The following TEC variants were observed in gnomAD, a reference collection of about 807,000 sequenced individuals.
The protein encoded by TEC is tyrosine-protein kinase Tec.
A neutral mutation model predicts 93.0 loss-of-function variants in TEC; 72 were observed. The ratio of observed to expected loss-of-function variants is 0.77; its 90% CI spans 0.64 to 0.94. TEC has a LOEUF of 0.94. Among genes scored for constraint, TEC ranks in the 40% least tolerant of loss-of-function variants. The probability of loss-of-function intolerance (pLI) is 0.00; values close to 1 mark genes in which losing one functional copy is unlikely to be tolerated. For synonymous variants in TEC, 249 were observed against 247.7 expected (o/e 1.01, Z -0.05); for missense variants, 630 against 757.9 (o/e 0.83, Z 1.98).
At chr4:48,203,188 AC>A (rs1560406920) in intron 2 of TEC, among the ~76,000 whole-genome samples, 1 of 152,104 alleles carries the variant, frequency 6.6e-6, no homozygotes, top group Non-Finnish European at 1.5e-5. Context: ...ACACAGTGAA[AC>A]CCTGTCTTTA....
At chr4:48,152,310 C>T (rs541321466) in intron 9 of TEC, among the ~76,000 whole-genome samples, 58 of 151,942 alleles carry the variant, frequency 3.8e-4, no homozygotes, top group African/African-American at 1.2e-3. Context: ...TGGTGGTGCG[C>T]GCCTGTAATC....
chr4:48,166,406 G>A (rs1327175234), intron 7 of TEC, among the ~76,000 whole-genome samples: 1 of 152,066 alleles, frequency 6.6e-6, no homozygotes, highest in Admixed American at 6.6e-5. Flanking sequence ...TATGTTATGT[G>A]GATTCTCATT....
At chr4:48,237,685 A>G (rs912278870) in intron 1 of TEC, among the ~76,000 whole-genome samples, 2 of 152,080 alleles carry the variant, frequency 1.3e-5, no homozygotes, top group African/African-American at 4.8e-5. Flanking sequence ...TACCTACAGA[A>G]TTAGCAATAT....
intron 1 of TEC, among the ~76,000 whole-genome samples, chr4:48,261,305 T>A (rs1227678730): frequency 6.6e-6 from 1 of 152,362 alleles, no homozygotes; most frequent in South Asian, 2.1e-4. Context: ...CCCTGCATGG[T>A]TGAAGGATCA....
intron 3 of TEC, among the ~76,000 whole-genome samples, chr4:48,175,726 G>GA (rs1721297549): frequency 1.3e-5 from 2 of 152,008 alleles, no homozygotes; most frequent in African/African-American, 4.8e-5. Context: ...CCATTGTCGG[G>GA]AAAAAAAATA....
At chr4:48,148,077 G>A (rs1332562028) in intron 11 of TEC, among the ~76,000 whole-genome samples, 1 of 152,104 alleles carries the variant, frequency 6.6e-6, no homozygotes, top group Admixed American at 6.6e-5. Flanking sequence ...GTTGCCTGGG[G>A]CTGGGCTGGT....
At chr4:48,203,357 T>C (rs1016804539) in intron 2 of TEC, among the ~76,000 whole-genome samples, 10 of 143,216 alleles carry the variant, frequency 7.0e-5, no homozygotes, top group Admixed American at 4.1e-4. Flanking sequence ...AGAGCAAGAC[T>C]CTGTCTCAAA....
chr4:48,138,195 C>T (rs1719509995), intron 17 of TEC, among the ~76,000 whole-genome samples: 1 of 152,196 alleles, frequency 6.6e-6, no homozygotes, highest in African/African-American at 2.4e-5. Context: ...GTGCCTGGTA[C>T]ATAATACATG....
chr4:48,229,478 C>T (rs1723584181), intron 1 of TEC, among the ~76,000 whole-genome samples: 1 of 152,260 alleles, frequency 6.6e-6, no homozygotes, highest in Non-Finnish European at 1.5e-5. Context: ...CTTCTCTTGC[C>T]TCCACTATGC....
chr4:48,269,180 G>A (rs1283337431), intron 1 of TEC, among the ~76,000 whole-genome samples: 1 of 152,178 alleles, frequency 6.6e-6, no homozygotes, highest in Non-Finnish European at 1.5e-5. Flanking sequence ...CATCTTGGCC[G>A]ATACTGCCAA....
intron 8 of TEC, among the ~76,000 whole-genome samples, chr4:48,161,601 T>C (rs1720662730): frequency 1.4e-4 from 1 of 6,936 alleles, no homozygotes; most frequent in East Asian, 0.028. Context: ...CCAGAGGCTT[T>C]TTTTTTTTTT....
At chr4:48,170,404 A>G (rs1560387610) in intron 4 of TEC, 28 bp from the exon 5 acceptor site, 4 of 1,282,320 alleles carry the variant, frequency 3.1e-6, no homozygotes, top group Non-Finnish European at 4.4e-6. Context: ...AGTAATTAAT[A>G]GTGAAATACA....
At chr4:48,242,815 T>C (rs1723955276) in intron 1 of TEC, among the ~76,000 whole-genome samples, 1 of 152,222 alleles carries the variant, frequency 6.6e-6, no homozygotes, top group African/African-American at 2.4e-5. Flanking sequence ...ACCATTATTC[T>C]AAATTTTCTA....
chr4:48,176,235 A>G (rs1180732946), intron 2 of TEC, 49 bp from the exon 3 acceptor site: 29 of 1,395,972 alleles, frequency 2.1e-5, no homozygotes, highest in Non-Finnish European at 2.8e-5. Context: ...GACATAAAAA[A>G]ATTAACAGTA....
At chr4:48,248,539 A>G (rs931640664) in intron 1 of TEC, among the ~76,000 whole-genome samples, 7 of 152,226 alleles carry the variant, frequency 4.6e-5, no homozygotes, top group Non-Finnish European at 8.8e-5. Flanking sequence ...GTGAGCAGAC[A>G]CTGGGAGGGG....
intron 15 of TEC, among the ~76,000 whole-genome samples, chr4:48,141,107 C>T (rs1478423321): frequency 6.6e-6 from 1 of 152,098 alleles, no homozygotes; most frequent in Non-Finnish European, 1.5e-5. Flanking sequence ...AACCTCACCA[C>T]CAAATATGTT....
chr4:48,164,301 C>T (rs552216563), intron 7 of TEC, among the ~76,000 whole-genome samples: 1 of 152,248 alleles, frequency 6.6e-6, no homozygotes, highest in South Asian at 2.1e-4. Context: ...TCATTTGGGG[C>T]ACCTGTTAAA....
intron 1 of TEC, among the ~76,000 whole-genome samples, chr4:48,246,091 AAG>A (rs1724047255): frequency 6.6e-6 from 1 of 152,168 alleles, no homozygotes; most frequent in African/African-American, 2.4e-5. Context: ...CCTGCGTAAC[AAG>A]AGTGATACTC....
chr4:48,204,784 G>A (rs1241100916), intron 2 of TEC, among the ~76,000 whole-genome samples: 1 of 152,222 alleles, frequency 6.6e-6, no homozygotes, highest in African/African-American at 2.4e-5. Flanking sequence ...ACACTGATCT[G>A]AAAGGAGGCA....
Sources: gnomAD v4.1 joint callset for allele counts (sites outside exome capture counted in the v4.1 genomes callset) on GRCh38, gnomAD v4.1.1 for gene constraint, MANE v1.5 for transcripts, NCBI Gene and HGNC (gene_info 2026-07-23, HGNC 2026-07-21) for gene names.